The following ZNF730 variants were observed in gnomAD, a reference collection of about 807,000 sequenced individuals.
ZNF730 encodes zinc finger protein 730.
Under a neutral mutation model 12.6 loss-of-function variants are expected in ZNF730, and 12 were observed. The ratio of observed to expected loss-of-function variants is 0.95; its 90% CI spans 0.61 to 1.54. ZNF730 has a LOEUF of 1.54. ZNF730 is among the 40% of genes most tolerant of loss of function. The pLI, the probability that ZNF730 is intolerant of heterozygous loss-of-function variation, is 0.00. For missense variants in ZNF730, 643 were observed against 583.5 expected (o/e 1.10, Z -1.05); for synonymous variants, 194 against 195.8 (o/e 0.99, Z 0.08).
intron 1 of ZNF730, among the ~76,000 whole-genome samples, chr19:23,130,066 A>T (rs977182582): frequency 6.6e-6 from 1 of 151,594 alleles, no homozygotes; most frequent in African/African-American, 2.4e-5. Flanking sequence ...AAGACATTAG[A>T]TTTGGAGGGG....
chr19:23,127,910 A>T (rs1970690297), intron 1 of ZNF730: 10 of 679,228 alleles, frequency 1.5e-5, no homozygotes, highest in Non-Finnish European at 2.4e-5. Context: ...CTGCCAAAAT[A>T]TGATGTGAAG....
At chr19:23,099,371 G>A (rs780811885) in intron 1 of ZNF730, among the ~76,000 whole-genome samples, 3 of 152,162 alleles carry the variant, frequency 2.0e-5, no homozygotes, top group Non-Finnish European at 4.4e-5. Context: ...CCCTCAAATG[G>A]TACAGAGAGT....
intron 1 of ZNF730, among the ~76,000 whole-genome samples, chr19:23,097,028 T>C (rs1470169966): frequency 6.6e-6 from 1 of 152,200 alleles, no homozygotes; most frequent in Non-Finnish European, 1.5e-5. Context: ...GTCCAATGCC[T>C]ATGGGATATG....
At chr19:23,127,236 G>T in intron 1 of ZNF730, 3 of 636,294 alleles carry the variant, frequency 4.7e-6, no homozygotes, top group South Asian at 4.5e-5. Context: ...TGTTTTTAAA[G>T]AAATCTTCAA....
At chr19:23,116,072 C>T (rs1184718278), upstream of ZNF730, among the ~76,000 whole-genome samples, 3 of 152,224 alleles carry the variant, frequency 2.0e-5, no homozygotes, top group Non-Finnish European at 4.4e-5. Context: ...CCCGCACGCA[C>T]AGGAGAAAAC....
intron 1 of ZNF730, among the ~76,000 whole-genome samples, chr19:23,083,241 C>T (rs923152232): frequency 5.9e-5 from 9 of 151,720 alleles, no homozygotes; most frequent in South Asian, 4.2e-4. Flanking sequence ...CCAGCCAATA[C>T]GGTGACAACC....
In ZNF730 at chr19:23,130,666, C is replaced by G. The variant is rs552344118; in HGVS notation, c.4-3414C>G. ...TTTTAATAAAATTATCCGCGGAAAC[C>G]TTAAATGATTTGTTTAAATGGCTTA... On this transcript the variant is annotated intron_variant, in intron 1 of 3. Coordinates refer to ENST00000597761, the MANE Select transcript of ZNF730 (RefSeq NM_001277403.2). Among the ~76,000 whole-genome samples the G allele has an allele frequency of 7.9e-5, 12 of 151,578 alleles. No homozygotes were observed. In the East Asian group the frequency reaches 2.1e-3, roughly 27 times the overall value.
chr19:23,142,610 C>A (rs1970938404), intron 3 of ZNF730, among the ~76,000 whole-genome samples: 1 of 148,896 alleles, frequency 6.7e-6, no homozygotes, highest in Non-Finnish European at 1.5e-5. Flanking sequence ...ATGGCGTGAA[C>A]CTGGGAGGTG....
At chr19:23,094,524 C>G (rs958583730) in intron 1 of ZNF730, among the ~76,000 whole-genome samples, 1 of 151,862 alleles carries the variant, frequency 6.6e-6, no homozygotes, top group Non-Finnish European at 1.5e-5. Flanking sequence ...CTCTTGTCAC[C>G]CAGGCTGGGC....
chr19:23,124,301 T>C (rs1333555556), intron 1 of ZNF730, among the ~76,000 whole-genome samples: 3 of 152,182 alleles, frequency 2.0e-5, no homozygotes, highest in African/African-American at 7.2e-5. Flanking sequence ...AATCTGTAAA[T>C]GTAAACAAGC....
chr19:23,093,457 T>C (rs1053178683), intron 1 of ZNF730, among the ~76,000 whole-genome samples: 2 of 152,230 alleles, frequency 1.3e-5, no homozygotes, highest in East Asian at 1.9e-4. Flanking sequence ...GACGGCATGC[T>C]GCATGGTGGG....
chr19:23,089,431 A>G (rs1295149377), intron 1 of ZNF730, among the ~76,000 whole-genome samples: 1 of 152,098 alleles, frequency 6.6e-6, no homozygotes. Flanking sequence ...TCAGATCTCA[A>G]TTTGAATTGT....
At chr19:23,082,838 AT>A (rs1019716821) in intron 1 of ZNF730, among the ~76,000 whole-genome samples, 1 of 151,922 alleles carries the variant, frequency 6.6e-6, no homozygotes, top group African/African-American at 2.4e-5. Flanking sequence ...AGTAGCCGGG[AT>A]TACAGGCATG....
At chr19:23,081,432 G>A (rs989646003) in intron 1 of ZNF730, among the ~76,000 whole-genome samples, 1 of 152,086 alleles carries the variant, frequency 6.6e-6, no homozygotes, top group African/African-American at 2.4e-5. Flanking sequence ...CGATTCTCCT[G>A]CCTCAGCCTT....
intron 1 of ZNF730, chr19:23,127,287 T>C: frequency 1.5e-6 from 1 of 671,808 alleles, no homozygotes; most frequent in Non-Finnish European, 2.8e-6. Flanking sequence ...AAATCTTGAT[T>C]ATATTCCAAG....
chr19:23,099,289 C>T (rs892705963), intron 1 of ZNF730, among the ~76,000 whole-genome samples: 1 of 151,894 alleles, frequency 6.6e-6, no homozygotes, highest in Non-Finnish European at 1.5e-5. Flanking sequence ...GACTTAGAGC[C>T]GCATAAGATC....
chr19:23,113,529 G>A (rs1268784470), upstream of ZNF730, among the ~76,000 whole-genome samples: 1 of 152,146 alleles, frequency 6.6e-6, no homozygotes, highest in Non-Finnish European at 1.5e-5. Context: ...TGGTTACACT[G>A]TGCACTGTTG....
At chr19:23,136,474 G>A (rs752739016) in intron 3 of ZNF730, among the ~76,000 whole-genome samples, 8 of 151,908 alleles carry the variant, frequency 5.3e-5, no homozygotes, top group Non-Finnish European at 1.0e-4. Context: ...GTGCGATCTC[G>A]GCTCACTGCA....
chr19:23,089,473 G>A (rs911448167), intron 1 of ZNF730, among the ~76,000 whole-genome samples: 1 of 152,148 alleles, frequency 6.6e-6, no homozygotes. Flanking sequence ...TTATGGGAGG[G>A]ACCGGGGGGA....
Sources: gnomAD v4.1 joint callset for allele counts (sites outside exome capture counted in the v4.1 genomes callset) on GRCh38, gnomAD v4.1.1 for gene constraint, MANE v1.5 for transcripts, NCBI Gene and HGNC (gene_info 2026-07-23, HGNC 2026-07-21) for gene names.